Variants in CHRM3 observed in about 807,000 individuals in gnomAD.
CHRM3 encodes muscarinic acetylcholine receptor M3.
Under a neutral mutation model 41.8 loss-of-function variants are expected in CHRM3, and 11 were observed. That is an observed-to-expected ratio of 0.26 (90% CI 0.17 to 0.44). CHRM3 has a LOEUF of 0.44. Among genes scored for constraint, CHRM3 ranks in the 20% least tolerant of loss-of-function variants. The pLI is 1.00. For synonymous variants in CHRM3, 297 were observed against 301.4 expected (o/e 0.99, Z 0.15); for missense variants, 571 against 745.4 (o/e 0.77, Z 2.72).
intron 1 of CHRM3, among the ~76,000 whole-genome samples, chr1:239,395,366 C>T (rs1211621704): frequency 6.6e-6 from 1 of 152,176 alleles, no homozygotes; most frequent in Non-Finnish European, 1.5e-5. Flanking sequence ...TCTTCCTCAT[C>T]CTGTTCCCCT....
chr1:239,862,583 G>A (rs1675727760), intron 6 of CHRM3, among the ~76,000 whole-genome samples: 1 of 152,188 alleles, frequency 6.6e-6, no homozygotes, highest in African/African-American at 2.4e-5. Flanking sequence ...TTCAGGTAGA[G>A]TGTGTTTGAA....
chr1:239,622,557 A>G (rs1668502010), intron 3 of CHRM3, among the ~76,000 whole-genome samples: 1 of 152,190 alleles, frequency 6.6e-6, no homozygotes, highest in Non-Finnish European at 1.5e-5. Context: ...TTCGATGAAG[A>G]AAGAATAAAT....
At chr1:239,679,398 TCTA>T (rs1299379426) in intron 5 of CHRM3, among the ~76,000 whole-genome samples, 1 of 152,124 alleles carries the variant, frequency 6.6e-6, no homozygotes, top group Non-Finnish European at 1.5e-5. Flanking sequence ...AAGACCTAAC[TCTA>T]CTACTTAACA....
intron 3 of CHRM3, among the ~76,000 whole-genome samples, chr1:239,554,497 C>T (rs1004775083): frequency 6.6e-6 from 1 of 151,320 alleles, no homozygotes; most frequent in African/African-American, 2.4e-5. Flanking sequence ...CGCAGGCATG[C>T]AGAAAAAGAG....
rs185989848 is a variant in CHRM3 at position 239,746,769 on chromosome 1, T to C, written c.-147+68481T>C. On this transcript the variant is annotated intron_variant, in intron 5 of 6. Transcript: ENST00000676153. The stretch of plus-strand genomic sequence containing the variant: ...ACTCTATTTCTTTCTTTCTTTCTTT[T>C]TTTTTTGAGACAGAGTTTCGCTCTG... Among the ~76,000 whole-genome samples the C allele has an allele frequency of 7.6e-3, 1,163 of 152,160 alleles. 8 individuals are homozygous for C. Among genetic ancestry groups the C allele is most frequent in the Non-Finnish European group, 0.013 (863 of 67,994 alleles).
At chr1:239,391,213 T>A (rs1659009095) in intron 1 of CHRM3, among the ~76,000 whole-genome samples, 1 of 152,212 alleles carries the variant, frequency 6.6e-6, no homozygotes, top group South Asian at 2.1e-4. Flanking sequence ...GTGGCTTATG[T>A]GATAACTGTG....
At chr1:239,457,473 C>T (rs1480488489) in intron 1 of CHRM3, among the ~76,000 whole-genome samples, 1 of 152,080 alleles carries the variant, frequency 6.6e-6, no homozygotes, top group Non-Finnish European at 1.5e-5. Context: ...CAACTATGTC[C>T]TTCAATTTAA....
intron 1 of CHRM3, among the ~76,000 whole-genome samples, chr1:239,425,078 A>T (rs1295792817): frequency 6.6e-6 from 1 of 152,168 alleles, no homozygotes; most frequent in East Asian, 1.9e-4. Flanking sequence ...AAGTGTAGTG[A>T]CAGAAACAGA....
At chr1:239,500,711 A>AAAC (rs147273123) in intron 2 of CHRM3, among the ~76,000 whole-genome samples, 4 of 151,602 alleles carry the variant, frequency 2.6e-5, no homozygotes, top group Admixed American at 6.6e-5. Context: ...AAAAAAACAC[A>AAAC]AACAACAACA....
At chr1:239,618,353 A>G (rs1181343559) in intron 3 of CHRM3, among the ~76,000 whole-genome samples, 1 of 147,460 alleles carries the variant, frequency 6.8e-6, no homozygotes, top group African/African-American at 2.5e-5. Context: ...GGGAAATGCA[A>G]GCTTAGAGAG....
In CHRM3 at chr1:239,907,970, G is replaced by A. The variant is rs148446467; in HGVS notation, c.519G>A (p.Pro173=). The A allele has an allele frequency of 6.8e-5, 110 of 1,614,030 alleles. No individual in the cohort carries two copies. The highest frequency in any genetic ancestry group is 1.3e-4 in the East Asian group (6 of 44,890). ...ACAGATACTTTTCCATCACGAGGCC[G>A]CTCACGTACCGAGCCAAACGAACAA... ...SFDRYFSITR[P]LTYRAKRTTK... is the part of the protein sequence containing the mutation. The change falls in exon 7 of 7, where the codon CCG becomes CCA. Residue 173 remains proline (P), a synonymous_variant. Transcript: ENST00000676153. The surrounding 1 kb of genome is among the most constrained non-coding windows in gnomAD (Gnocchi z 5.4).
chr1:239,563,193 C>G (rs1661043509), intron 3 of CHRM3, among the ~76,000 whole-genome samples: 2 of 53,340 alleles, frequency 3.7e-5, no homozygotes, highest in South Asian at 1.2e-3. Context: ...TGGTGTAGGG[C>G]AACAAGGAAA....
At chr1:239,787,394 T>TTCATCC (rs1668989137) in intron 5 of CHRM3, among the ~76,000 whole-genome samples, 1 of 82,622 alleles carries the variant, frequency 1.2e-5, no homozygotes, top group Non-Finnish European at 2.6e-5. Flanking sequence ...GCCTTGGCAG[T>TTCATCC]AAGGATGAAG....
At chr1:239,750,484 T>A (rs1665719039) in intron 5 of CHRM3, among the ~76,000 whole-genome samples, 1 of 152,212 alleles carries the variant, frequency 6.6e-6, no homozygotes, top group Admixed American at 6.5e-5. Flanking sequence ...TGAGGACTTG[T>A]TCTTCTCACC....
chr1:239,723,683 T>G (rs1663180658), intron 5 of CHRM3, among the ~76,000 whole-genome samples: 1 of 151,984 alleles, frequency 6.6e-6, no homozygotes, highest in Non-Finnish European at 1.5e-5. Flanking sequence ...TGATTAAATA[T>G]AATCCCCATC....
Position 239,857,767 on chromosome 1 carries a change from G to A in CHRM3, c.-20+30389G>A, listed in dbSNP as rs188294147. Reference sequence around the variant, plus strand: ...GGATAATCATAATAAATGAAAGCCAGCCTTTCTAGTTTAGTTATGCACAAA... The same window carrying A: ...GGATAATCATAATAAATGAAAGCCAACCTTTCTAGTTTAGTTATGCACAAA... On this transcript the variant is annotated intron_variant, in intron 6 of 6. Coordinates refer to ENST00000676153, the MANE Select transcript of CHRM3 (RefSeq NM_001375978.1). Among the ~76,000 whole-genome samples, 649 of 152,198 alleles carry A rather than the reference G, an allele frequency of 4.3e-3. 9 individuals carry two copies. Among genetic ancestry groups the A allele is most frequent in the African/African-American group, 0.015 (626 of 41,528 alleles).
chr1:239,395,488 T>C (rs1396400548), intron 1 of CHRM3, among the ~76,000 whole-genome samples: 1 of 152,164 alleles, frequency 6.6e-6, no homozygotes, highest in African/African-American at 2.4e-5. Flanking sequence ...TTTAGCCAGG[T>C]ACCGAATTCT....
chr1:239,859,819 T>TTATATATATATG (rs1553286827), intron 6 of CHRM3, among the ~76,000 whole-genome samples: 3 of 131,424 alleles, frequency 2.3e-5, no homozygotes, highest in Non-Finnish European at 4.8e-5. Context: ...TCTAAGTGTT[T>TTATATATATATG]TATATATATA....
At chr1:239,601,450 T>A in intron 3 of CHRM3, among the ~76,000 whole-genome samples, 1 of 151,852 alleles carries the variant, frequency 6.6e-6, no homozygotes, top group Non-Finnish European at 1.5e-5. Context: ...AGACATAAAA[T>A]GGGAAATAAA....
Sources: gnomAD v4.1 joint callset for allele counts (sites outside exome capture counted in the v4.1 genomes callset) on GRCh38, gnomAD v4.1.1 for gene constraint, Gnocchi (gnomAD v3.1) non-coding constraint, MANE v1.5 for transcripts, NCBI Gene and HGNC (gene_info 2026-07-23, HGNC 2026-07-21) for gene names.